The following ANAPC1 variants were observed in gnomAD, a reference collection of about 807,000 sequenced individuals.
ANAPC1 encodes the protein anaphase promoting complex subunit 1.
Under a neutral mutation model 208.0 loss-of-function variants are expected in ANAPC1, and 36 were observed. The observed-to-expected ratio is 0.17, with a 90% CI of 0.13 to 0.23. ANAPC1 has a LOEUF of 0.23. Ranked by LOEUF, ANAPC1 falls within the 10% of genes least tolerant of loss-of-function variation. ANAPC1 has a pLI of 1.00. For missense variants in ANAPC1, 942 were observed against 2,011.6 expected, an observed-to-expected ratio of 0.47 and a Z score of 10.17; for synonymous variants, 378 against 695.2, an observed-to-expected ratio of 0.54 and a Z score of 7.18.
chr2:111,811,167 G>A (rs1435350361), intron 28 of ANAPC1, among the ~76,000 whole-genome samples: 1 of 151,842 alleles, frequency 6.6e-6, no homozygotes, highest in East Asian at 1.9e-4. Context: ...TTCAGGTGTC[G>A]GACAAAGACT....
At chr2:111,842,194 T>A (rs568091826) in intron 17 of ANAPC1, among the ~76,000 whole-genome samples, 26 of 152,102 alleles carry the variant, frequency 1.7e-4, no homozygotes, top group Non-Finnish European at 2.9e-4. Context: ...TTAGAAAAAA[T>A]TTTTAATGAT....
chr2:111,839,892 A>G (rs1680668111), intron 17 of ANAPC1, among the ~76,000 whole-genome samples: 1 of 152,060 alleles, frequency 6.6e-6, no homozygotes, highest in Non-Finnish European at 1.5e-5. Flanking sequence ...CACTCTTTCA[A>G]TGTGTCTCAG....
intron 24 of ANAPC1, among the ~76,000 whole-genome samples, chr2:111,823,145 G>A (rs1442202277): frequency 1.3e-5 from 2 of 150,432 alleles, no homozygotes; most frequent in Non-Finnish European, 1.5e-5. Flanking sequence ...GAGTAGCTGG[G>A]ACTACAGGCG....
chr2:111,821,419 G>A lies in ANAPC1; in HGVS notation c.3026C>T (p.Thr1009Ile). The change falls in exon 26 of 48, where the codon ACT (threonine) becomes ATT (isoleucine). Residue 1009 changes from threonine (T) to isoleucine (I), a missense_variant. Coordinates refer to ENST00000341068, the MANE Select transcript of ANAPC1 (RefSeq NM_022662.4). Reference sequence around the variant, plus strand: ...ATTCATGCCGTCATCTTCCTCCTCAGTTTCTGTTCCTGAAGGAACATCTGA... The same window carrying A: ...ATTCATGCCGTCATCTTCCTCCTCAATTTCTGTTCCTGAAGGAACATCTGA... ...LSSDVPSGTETEEEDDGMNDM... is the reference protein window; with the variant it reads ...LSSDVPSGTEIEEEDDGMNDM... The A allele has an allele frequency of 6.2e-7, 1 of 1,604,944 alleles. No homozygotes were observed. Among genetic ancestry groups the A allele is most frequent in the African/African-American group, 1.3e-5 (1 of 74,676 alleles).
intron 34 of ANAPC1, among the ~76,000 whole-genome samples, chr2:111,796,610 C>T (rs1248710370): frequency 2.0e-5 from 3 of 148,640 alleles, no homozygotes; most frequent in Non-Finnish European, 3.0e-5. Flanking sequence ...GGATTATAGG[C>T]GTGAGTAACC....
chr2:111,856,113 T>G (rs959836251), intron 13 of ANAPC1, among the ~76,000 whole-genome samples: 1 of 152,122 alleles, frequency 6.6e-6, no homozygotes, highest in Non-Finnish European at 1.5e-5. Context: ...CAGGCGCCTA[T>G]AGTCCCAGCT....
At chr2:111,825,291 A>T in intron 22 of ANAPC1, 124 bp from the exon 23 acceptor site, 1 of 1,367,822 alleles carries the variant, frequency 7.3e-7, no homozygotes, top group Non-Finnish European at 1.0e-6. Flanking sequence ...AAATAAAATA[A>T]GCAATACTGT....
At chr2:111,860,284 CAG>C (rs1268349319) in intron 10 of ANAPC1, among the ~76,000 whole-genome samples, 4 of 151,314 alleles carry the variant, frequency 2.6e-5, no homozygotes, top group Non-Finnish European at 5.9e-5. Flanking sequence ...ACCTGGGTGA[CAG>C]AGTGAGACCC....
At chr2:111,807,508 C>G (rs941663441) in intron 29 of ANAPC1, among the ~76,000 whole-genome samples, 1 of 151,826 alleles carries the variant, frequency 6.6e-6, no homozygotes, top group African/African-American at 2.4e-5. Context: ...TGGCTAACAC[C>G]ATGAAACCCT....
chr2:111,789,822 C>T (rs1454656199), intron 38 of ANAPC1, among the ~76,000 whole-genome samples: 3 of 152,054 alleles, frequency 2.0e-5, no homozygotes, highest in Admixed American at 6.6e-5. Context: ...GAAAGAAGAG[C>T]GAGGAGAGTC....
intron 47 of ANAPC1, among the ~76,000 whole-genome samples, chr2:111,771,903 A>G (rs1293855390): frequency 6.6e-6 from 1 of 151,730 alleles, no homozygotes; most frequent in Non-Finnish European, 1.5e-5. Context: ...TCAGGTGATA[A>G]TACTATTAAT....
intron 24 of ANAPC1, among the ~76,000 whole-genome samples, chr2:111,824,429 C>A (rs1679718070): frequency 6.6e-6 from 1 of 151,934 alleles, no homozygotes; most frequent in Non-Finnish European, 1.5e-5. Flanking sequence ...AAAAAAATTT[C>A]TTTGGTATTT....
At position 111,792,605 on chromosome 2, in the gene ANAPC1, T is replaced by C. The variant is rs544841671; in HGVS notation, c.4519-50A>G. On this transcript the variant is annotated intron_variant, in intron 37 of 47. Transcript: ENST00000341068. ...CTGTAACTGTTGTGTTACATTTCTT[T>C]ATTATCAGAACTAGCTTAGCCATCA... 8.7e-5 allele frequency: 136 copies of C among 1,560,280 alleles called. No homozygotes were observed. In the East Asian group the frequency reaches 3.0e-3, roughly 35 times the overall value.
chr2:111,869,251 TTA>T (rs1373766865), intron 6 of ANAPC1, among the ~76,000 whole-genome samples: 1 of 140,856 alleles, frequency 7.1e-6, no homozygotes, highest in Non-Finnish European at 1.6e-5. Context: ...ATCTTGTTAT[TTA>T]TTTTTTTTTT....
intron 17 of ANAPC1, among the ~76,000 whole-genome samples, chr2:111,838,990 T>C (rs987717228): frequency 4.6e-5 from 7 of 152,238 alleles, no homozygotes; most frequent in Non-Finnish European, 8.8e-5. Context: ...TTTTTTCTCC[T>C]CTTTCTCCTG....
intron 38 of ANAPC1, among the ~76,000 whole-genome samples, chr2:111,791,795 T>C (rs976959137): frequency 6.6e-5 from 10 of 151,676 alleles, no homozygotes; most frequent in African/African-American, 1.9e-4. Context: ...AGACGGGTGC[T>C]GTGAGTTGAA....
chr2:111,828,649 T>C (rs1414091174), intron 21 of ANAPC1, among the ~76,000 whole-genome samples: 1 of 152,228 alleles, frequency 6.6e-6, no homozygotes, highest in Non-Finnish European at 1.5e-5. Context: ...TGCTACAATA[T>C]GGATGAACAT....
At chr2:111,767,150 G>A (rs1676491932), downstream of ANAPC1, among the ~76,000 whole-genome samples, 1 of 144,772 alleles carries the variant, frequency 6.9e-6, no homozygotes, top group Non-Finnish European at 1.5e-5. Context: ...TAGGGAATTA[G>A]TAAGTTAGGA....
chr2:111,859,593 A>G (rs1444253848), intron 10 of ANAPC1, among the ~76,000 whole-genome samples: 2 of 152,250 alleles, frequency 1.3e-5, no homozygotes, highest in African/African-American at 4.8e-5. Flanking sequence ...TTATAATTGT[A>G]GGATACTTTT....
Sources: gnomAD v4.1 joint callset for allele counts (sites outside exome capture counted in the v4.1 genomes callset) on GRCh38, gnomAD v4.1.1 for gene constraint, MANE v1.5 for transcripts, NCBI Gene and HGNC (gene_info 2026-07-23, HGNC 2026-07-21) for gene names.